Variants in NTM observed in about 807,000 individuals in gnomAD.
NTM encodes neurotrimin, also known as IgLON family member 2.
Under a neutral mutation model 42.1 loss-of-function variants are expected in NTM, and 13 were observed. The observed-to-expected ratio is 0.31, with a 90% CI of 0.20 to 0.49. The LOEUF is 0.49. NTM is among the 20% of genes least tolerant of loss of function. The pLI, the probability that NTM is intolerant of heterozygous loss-of-function variation, is 0.99. For missense variants in NTM, 373 were observed against 452.8 expected (o/e 0.82, Z 1.60); for synonymous variants, 187 against 179.2 (o/e 1.04, Z -0.35).
At chr11:131,516,386 AT>A (rs1002565772) in intron 1 of NTM, among the ~76,000 whole-genome samples, 1 of 151,770 alleles carries the variant, frequency 6.6e-6, no homozygotes, top group Non-Finnish European at 1.5e-5. Flanking sequence ...TTTTCTTTTT[AT>A]TTTTTTATTA....
chr11:131,615,340 C>G (rs181662458), intron 1 of NTM, among the ~76,000 whole-genome samples: 6 of 152,140 alleles, frequency 3.9e-5, no homozygotes, highest in African/African-American at 1.2e-4. Flanking sequence ...CTGTGCGTGG[C>G]TCATAGCAAG....
chr11:131,614,677 T>A (rs1338941367), intron 1 of NTM, among the ~76,000 whole-genome samples: 1 of 152,236 alleles, frequency 6.6e-6, no homozygotes, highest in African/African-American at 2.4e-5. Flanking sequence ...TGTCAGTTCT[T>A]GTTCAAAGGT....
intron 7 of NTM, among the ~76,000 whole-genome samples, chr11:132,321,396 C>A (rs1050333565): frequency 1.3e-5 from 2 of 151,878 alleles, no homozygotes; most frequent in Non-Finnish European, 2.9e-5. Context: ...GCCTCAGGAG[C>A]CGATGTGATC....
chr11:132,269,303 G>C (rs892895925), intron 4 of NTM, among the ~76,000 whole-genome samples: 3 of 152,160 alleles, frequency 2.0e-5, no homozygotes, highest in African/African-American at 7.2e-5. Context: ...TTTTAAATAA[G>C]TTACCAAAGG....
chr11:132,298,770 G>A (rs1349610616), intron 4 of NTM, among the ~76,000 whole-genome samples: 2 of 152,174 alleles, frequency 1.3e-5, no homozygotes, highest in Non-Finnish European at 2.9e-5. Context: ...GTTGATATAT[G>A]CGTAGCTATG....
At chr11:131,960,124 G>A (rs1593196377) in intron 2 of NTM, among the ~76,000 whole-genome samples, 2 of 152,304 alleles carry the variant, frequency 1.3e-5, no homozygotes, top group South Asian at 4.1e-4. Context: ...GAGCACCTCT[G>A]AGCGTAAAAG....
At chr11:131,940,295 A>G (rs929761430) in intron 2 of NTM, among the ~76,000 whole-genome samples, 10 of 152,226 alleles carry the variant, frequency 6.6e-5, no homozygotes, top group African/African-American at 2.2e-4. Context: ...AAATAATACA[A>G]TGGAATCACC....
chr11:132,240,159 A>G (rs1411133388), intron 4 of NTM, among the ~76,000 whole-genome samples: 1 of 152,266 alleles, frequency 6.6e-6, no homozygotes, highest in African/African-American at 2.4e-5. Context: ...AAATTAGAAA[A>G]GTAAAAACAA....
chr11:132,066,446 G>A (rs2056504102), intron 2 of NTM, among the ~76,000 whole-genome samples: 1 of 152,118 alleles, frequency 6.6e-6, no homozygotes, highest in African/African-American at 2.4e-5. Context: ...TTTTCTGTAG[G>A]ATCTGTGTTA....
intron 2 of NTM, among the ~76,000 whole-genome samples, chr11:131,949,999 T>C (rs1190789299): frequency 6.6e-6 from 1 of 152,232 alleles, no homozygotes; most frequent in Non-Finnish European, 1.5e-5. Flanking sequence ...CTTCTCTGTT[T>C]TGTTTCCTTC....
chr11:131,808,227 G>A (rs1358117157), intron 1 of NTM, among the ~76,000 whole-genome samples: 2 of 152,226 alleles, frequency 1.3e-5, no homozygotes, highest in Non-Finnish European at 2.9e-5. Flanking sequence ...GAGGAAGGCA[G>A]TAGGCAGCTG....
chr11:132,057,140 A>G (rs1284163668), intron 2 of NTM, among the ~76,000 whole-genome samples: 2 of 152,236 alleles, frequency 1.3e-5, no homozygotes, highest in East Asian at 1.9e-4. Flanking sequence ...TTTAGCCTCA[A>G]TCGGGTGCTT....
At chr11:132,313,052 G>A (rs2095324857) in intron 6 of NTM, among the ~76,000 whole-genome samples, 1 of 152,174 alleles carries the variant, frequency 6.6e-6, no homozygotes, top group African/African-American at 2.4e-5. Flanking sequence ...GAGAACTCCG[G>A]CCAGAACCTG....
At chr11:131,482,844 TGAGAA>T (rs1953753970) in intron 1 of NTM, among the ~76,000 whole-genome samples, 2 of 152,026 alleles carry the variant, frequency 1.3e-5, no homozygotes, top group Non-Finnish European at 1.5e-5. Context: ...CAAAAGAGAA[TGAGAA>T]AGTAAAATTC....
chr11:131,564,251 C>A (rs1241702701), intron 1 of NTM, among the ~76,000 whole-genome samples: 2 of 146,560 alleles, frequency 1.4e-5, no homozygotes, highest in African/African-American at 5.3e-5. Flanking sequence ...CCTATGCCAC[C>A]CTATTTATTT....
chr11:131,605,105 C>G (rs2324519), intron 1 of NTM, among the ~76,000 whole-genome samples: 71,944 of 150,740 alleles, frequency 0.48, 17,750 homozygotes, highest in East Asian at 0.61. Flanking sequence ...AAAAAAAAAG[C>G]CACATTGAGA....
chr11:132,224,179 G>A (rs1438786840), intron 4 of NTM, among the ~76,000 whole-genome samples: 1 of 152,192 alleles, frequency 6.6e-6, no homozygotes, highest in East Asian at 1.9e-4. Context: ...CCCAACCTCT[G>A]CATGCCAAAA....
chr11:131,510,154 T>C (rs1353352474), intron 1 of NTM, among the ~76,000 whole-genome samples: 1 of 152,178 alleles, frequency 6.6e-6, no homozygotes, highest in Non-Finnish European at 1.5e-5. Flanking sequence ...CAACACAAAC[T>C]GTCCCACTTA....
intron 3 of NTM, among the ~76,000 whole-genome samples, chr11:132,176,425 T>C (rs560712611): frequency 6.6e-6 from 1 of 152,102 alleles, no homozygotes; most frequent in Admixed American, 6.5e-5. Context: ...GAAGTACTTA[T>C]AAGTTGAAGG....
Sources: gnomAD v4.1 joint callset for allele counts (sites outside exome capture counted in the v4.1 genomes callset) on GRCh38, gnomAD v4.1.1 for gene constraint, MANE v1.5 for transcripts, NCBI Gene and HGNC (gene_info 2026-07-23, HGNC 2026-07-21) for gene names.